The following SCNN1B variants were observed in gnomAD, a reference collection of about 807,000 sequenced individuals.
SCNN1B encodes sodium channel epithelial 1 subunit beta.
In SCNN1B, 46 loss-of-function variants were observed where a neutral mutation model predicts 65.3. That is an observed-to-expected ratio of 0.70 (90% CI 0.56 to 0.90). The LOEUF (loss-of-function observed/expected upper bound fraction) is 0.90, where lower values mean the gene tolerates loss of function less well. Ranked by LOEUF, SCNN1B falls within the 40% of genes least tolerant of loss-of-function variation. SCNN1B has a pLI of 0.00. For missense variants in SCNN1B, 751 were observed against 830.5 expected, an observed-to-expected ratio of 0.90 and a Z score of 1.18; for synonymous variants, 349 against 330.6, an observed-to-expected ratio of 1.06 and a Z score of -0.60.
chr16:23,334,995 C>T (rs1368310640), intron 1 of SCNN1B, among the ~76,000 whole-genome samples: 1 of 152,204 alleles, frequency 6.6e-6, no homozygotes, highest in Non-Finnish European at 1.5e-5. Flanking sequence ...TAACTCTAAT[C>T]AGTCCACATT....
intron 1 of SCNN1B, among the ~76,000 whole-genome samples, chr16:23,331,671 C>T (rs1961815035): frequency 6.6e-6 from 1 of 152,162 alleles, no homozygotes; most frequent in Admixed American, 6.5e-5. Context: ...CATGATTCAA[C>T]ACCTCCCAAA....
At chr16:23,308,695 C>T (rs967561962) in intron 1 of SCNN1B, among the ~76,000 whole-genome samples, 5 of 152,078 alleles carry the variant, frequency 3.3e-5, no homozygotes, top group African/African-American at 1.2e-4. Flanking sequence ...AGTGCAGTGG[C>T]ACGAACTTGG....
chr16:23,320,753 G>A (rs1015234513), intron 1 of SCNN1B, among the ~76,000 whole-genome samples: 5 of 152,234 alleles, frequency 3.3e-5, no homozygotes, highest in South Asian at 2.1e-4. Flanking sequence ...GTATGAAGTC[G>A]TGGGTAGGCC....
intron 1 of SCNN1B, among the ~76,000 whole-genome samples, chr16:23,322,267 C>T (rs1961604378): frequency 6.6e-6 from 1 of 152,120 alleles, no homozygotes; most frequent in Non-Finnish European, 1.5e-5. Context: ...ACAACACAAG[C>T]CACAGATCGG....
chr16:23,336,903 T>C (rs1163653156), intron 1 of SCNN1B, among the ~76,000 whole-genome samples: 1 of 152,114 alleles, frequency 6.6e-6, no homozygotes, highest in Non-Finnish European at 1.5e-5. Context: ...ATACAAGTGC[T>C]ACACAGATTT....
At chr16:23,286,419 G>A (rs1400453065) in intron 2 of SCNN1B, among the ~76,000 whole-genome samples, 3 of 152,204 alleles carry the variant, frequency 2.0e-5, no homozygotes, top group African/African-American at 4.8e-5. Flanking sequence ...GAGAAGAAAC[G>A]ACTTCACAAT....
At chr16:23,350,835 C>T (rs1262605419) in intron 2 of SCNN1B, among the ~76,000 whole-genome samples, 3 of 152,124 alleles carry the variant, frequency 2.0e-5, no homozygotes, top group African/African-American at 7.2e-5. Context: ...ATCACTTGAA[C>T]TCAGGAGGTG....
At chr16:23,304,156 T>C in intron 1 of SCNN1B, 2 of 1,338,650 alleles carry the variant, frequency 1.5e-6, no homozygotes, top group Non-Finnish European at 2.1e-6. Context: ...TTAAGTTCAA[T>C]TTATTTTTCT....
chr16:23,377,626 A>C (rs568207938), intron 10 of SCNN1B, among the ~76,000 whole-genome samples: 482 of 42,862 alleles, frequency 0.011, no homozygotes, highest in East Asian at 0.025. Context: ...TCCTTCCTTC[A>C]TTCCTTCTCC....
intron 1 of SCNN1B, among the ~76,000 whole-genome samples, chr16:23,319,681 T>G (rs992236515): frequency 6.6e-6 from 1 of 152,154 alleles, no homozygotes; most frequent in African/African-American, 2.4e-5. Flanking sequence ...CCTGGCCCTT[T>G]CCCGAAAAAG....
intron 1 of SCNN1B, among the ~76,000 whole-genome samples, chr16:23,316,028 A>ATCACCATTGCCATCC (rs1555484443): frequency 4.1e-5 from 6 of 145,996 alleles, no homozygotes; most frequent in African/African-American, 1.3e-4. Flanking sequence ...CATCATCACC[A>ATCACCATTGCCATCC]TCACCATCGC....
intron 7 of SCNN1B, 64 bp from the exon 8 acceptor site, chr16:23,375,674 C>T: frequency 1.7e-6 from 2 of 1,165,742 alleles, no homozygotes; most frequent in Non-Finnish European, 2.6e-6. Flanking sequence ...ACCCCTGGTG[C>T]TGGAATGGGG....
At chr16:23,309,910 C>T (rs772277050) in intron 1 of SCNN1B, among the ~76,000 whole-genome samples, 26 of 152,164 alleles carry the variant, frequency 1.7e-4, no homozygotes, top group Middle Eastern at 3.2e-3. Flanking sequence ...TCTTGGCCCC[C>T]GTGAGAGCAT....
chr16:23,371,655 C>A, intron 6 of SCNN1B, 121 bp from the exon 7 acceptor site: 1 of 1,011,594 alleles, frequency 9.9e-7, no homozygotes, highest in Non-Finnish European at 1.5e-6. Flanking sequence ...CCCTCTGGCG[C>A]CCCCCCTGGC....
Position 23,352,924 on chromosome 16 carries a change from G to A in SCNN1B, c.435G>A (p.Trp145Ter), listed in dbSNP as rs867839006. 6.2e-7 allele frequency: 1 copy of A among 1,614,122 alleles called. No homozygotes were observed. Among genetic ancestry groups the A allele is most frequent in the Non-Finnish European group, 8.5e-7 (1 of 1,180,030 alleles). The change falls in exon 3 of 13, where the codon TGG (tryptophan) becomes TGA (stop). Residue 145 changes from tryptophan to a stop codon, truncating the protein, a stop_gained. Coordinates refer to ENST00000343070, the MANE Select transcript of SCNN1B (RefSeq NM_000336.3). LOFTEE classifies it high-confidence loss of function. ...CCAGGAACCTGAACTTCTCCATCTG[G>A]AACCACACACCCCTGGTCCTTATTG... ...NATRNLNFSI[W>*]NHTPLVLIDE...
rs1963045981 is a variant in SCNN1B, at chr16:23,381,222, AAGGGCATC to A, written c.*425_*432del. 4 of 251,272 alleles carry A rather than the reference AAGGGCATC, an allele frequency of 1.6e-5. No individual in the cohort carries two copies. The South Asian group carries it at 2.3e-4, about 14-fold the overall frequency. 15.6% of individuals were successfully genotyped at this position (251,272 alleles called of 1,614,324 possible). On this transcript the variant is annotated 3_prime_UTR_variant, in exon 13 of 13. Coordinates refer to ENST00000343070, the MANE Select transcript of SCNN1B (RefSeq NM_000336.3). ...TGGGGCAGGGGTGGTGGAGAGATGG[AAGGGCATC>A]AGGTGTAGGGACCCTGCCAAGTGGC...
chr16:23,348,498 G>A lies in SCNN1B; in HGVS notation c.-8-94G>A. The A allele has an allele frequency of 3.5e-6, 4 of 1,153,484 alleles. No individual in the cohort carries two copies. Among genetic ancestry groups the A allele is most frequent in the South Asian group, 2.7e-5 (2 of 74,656 alleles). The allele number at this position is 1,153,484 out of a possible 1,614,324, so 71.5% of individuals were successfully genotyped here. A position where few individuals can be genotyped will look rare whatever the true frequency, so the allele number is the denominator to read the frequency against. ...AGGGTAAAGAGGGAGGAAGAACGGG[G>A]ACGTACCGCCGCCCAGTTCCTGGAC... On this transcript the variant is annotated intron_variant, in intron 1 of 12. Transcript: ENST00000343070. The surrounding 1 kb of genome is among the most constrained non-coding windows in gnomAD (Gnocchi z 4.5).
intron 1 of SCNN1B, among the ~76,000 whole-genome samples, chr16:23,343,509 A>AGGAAGG (rs1429039403): frequency 9.2e-5 from 7 of 76,476 alleles, no homozygotes; most frequent in Non-Finnish European, 2.0e-4. Context: ...GAAGGAAGGA[A>AGGAAGG]AAGGAAGGAA....
chr16:23,360,558 G>C (rs555851092), intron 4 of SCNN1B, among the ~76,000 whole-genome samples: 2 of 147,986 alleles, frequency 1.4e-5, no homozygotes, highest in Admixed American at 1.4e-4. Context: ...GTAAAATATA[G>C]AGAGAGAGAC....
Sources: allele counts gnomAD v4.1 joint callset (sites outside exome capture counted in the v4.1 genomes callset), GRCh38; gene constraint gnomAD v4.1.1; non-coding constraint Gnocchi (gnomAD v3.1); transcripts MANE v1.5; gene names NCBI Gene and HGNC (gene_info 2026-07-23, HGNC 2026-07-21).